JAM3: variants seen among roughly 807,000 people sequenced by gnomAD.
JAM3 encodes junctional adhesion molecule 3.
JAM3 carries 31 observed loss-of-function variants against 39.4 expected under a neutral mutation model. That is an observed-to-expected ratio of 0.79 (90% CI 0.59 to 1.06). The LOEUF (loss-of-function observed/expected upper bound fraction) is 1.06, where lower values mean the gene tolerates loss of function less well. Ranked by LOEUF, JAM3 falls within the 50% of genes least tolerant of loss-of-function variation. JAM3 has a pLI of 0.00. For synonymous variants in JAM3, 182 were observed against 148.7 expected (o/e 1.22, Z -1.63); for missense variants, 455 against 391.4 (o/e 1.16, Z -1.37).
rs1168482280 is a variant in JAM3 at position 134,076,775 on chromosome 11, G to A, written c.76+7616G>A. 1.7e-4 allele frequency among the ~76,000 whole-genome samples: 26 copies of A among 150,150 alleles called. 2 individuals carry two copies. Among genetic ancestry groups the A allele is most frequent in the Admixed American group, 1.7e-3 (26 of 15,088 alleles). On this transcript the variant is annotated intron_variant, in intron 1 of 8. Coordinates refer to ENST00000299106, the MANE Select transcript of JAM3 (RefSeq NM_032801.5). Reference sequence around the variant, plus strand: ...CCACACTGAACTCCTGGTCTCAGGTGGTCCTTCGACCTCAGCCTCCCAAAT... The same window carrying A: ...CCACACTGAACTCCTGGTCTCAGGTAGTCCTTCGACCTCAGCCTCCCAAAT...
At chr11:134,138,285 T>G (rs1022706556) in intron 1 of JAM3, among the ~76,000 whole-genome samples, 1 of 109,298 alleles carries the variant, frequency 9.1e-6, no homozygotes, top group South Asian at 2.4e-4. Flanking sequence ...GAAGAAATGT[T>G]TATGGCCAAT....
chr11:134,114,980 C>T (rs755003137), intron 1 of JAM3, among the ~76,000 whole-genome samples: 2 of 152,154 alleles, frequency 1.3e-5, no homozygotes, highest in Non-Finnish European at 2.9e-5. Flanking sequence ...TTTATTTCTC[C>T]TTGCAGTTCT....
At chr11:134,144,647 A>G in intron 4 of JAM3, 145 bp from the exon 5 acceptor site, 1 of 847,250 alleles carries the variant, frequency 1.2e-6, no homozygotes, top group South Asian at 1.4e-5. Context: ...GTGGCTTGTC[A>G]GTCTGCAGTT....
At chr11:134,139,622 A>T in intron 1 of JAM3, 1 of 556,086 alleles carries the variant, frequency 1.8e-6, no homozygotes, top group South Asian at 2.0e-5. Context: ...AAAAAGGAGA[A>T]GGAATTCTTA....
At chr11:134,130,690 C>A (rs1942753601) in intron 1 of JAM3, among the ~76,000 whole-genome samples, 1 of 152,222 alleles carries the variant, frequency 6.6e-6, no homozygotes, top group South Asian at 2.1e-4. Context: ...CCTTGCCCTA[C>A]CCTCTCCCTG....
At chr11:134,083,511 G>A (rs1161017646) in intron 1 of JAM3, among the ~76,000 whole-genome samples, 2 of 152,172 alleles carry the variant, frequency 1.3e-5, no homozygotes, top group African/African-American at 2.4e-5. Flanking sequence ...TTGAGGAGGA[G>A]TGTTTTTGTT....
At chr11:134,134,211 A>T (rs1406353793) in intron 1 of JAM3, among the ~76,000 whole-genome samples, 1 of 152,176 alleles carries the variant, frequency 6.6e-6, no homozygotes, top group Non-Finnish European at 1.5e-5. Flanking sequence ...TGACCTAAAA[A>T]ATGGAACAGA....
At chr11:134,081,487 A>G (rs1487901345) in intron 1 of JAM3, among the ~76,000 whole-genome samples, 1 of 152,228 alleles carries the variant, frequency 6.6e-6, no homozygotes, top group Non-Finnish European at 1.5e-5. Flanking sequence ...GGGCCAGCAT[A>G]GAGCTGAGGC....
intron 1 of JAM3, among the ~76,000 whole-genome samples, chr11:134,104,369 G>A (rs558173897): frequency 3.9e-5 from 6 of 152,128 alleles, no homozygotes; most frequent in Non-Finnish European, 7.3e-5. Flanking sequence ...TGTGTAGAGG[G>A]AAATTTATAG....
rs1321358465 is a variant in JAM3, at chr11:134,148,674, A to G, written c.840A>G (p.Glu280=). 2 of 1,614,072 alleles carry G rather than the reference A, an allele frequency of 1.2e-6. No homozygotes were observed. The highest frequency in any genetic ancestry group is 2.7e-5 in the African/African-American group (2 of 74,932). Residue 280 remains glutamate (E), a splice_region_variant and synonymous_variant, in exon 7 of 9, where the codon GAA becomes GAG. Transcript: ENST00000299106. The part of the protein sequence containing the change: ...GYFINNKQDG[E]SYKNPGKPDG... ...TCATCAACAATAAACAGGATGGAGA[A>G]AGGTGAGCCTGCCTTATGTGAAAAA...
In JAM3 at chr11:134,133,130, A is replaced by C. The variant is rs78516497; in HGVS notation, c.77-6721A>C. Among the ~76,000 whole-genome samples, 33 of 152,302 alleles carry C rather than the reference A, an allele frequency of 2.2e-4. No homozygotes were observed. The East Asian group carries it at 5.6e-3, about 26-fold the overall frequency. ...CTAGACTGAGAACCAGAAGTTCTGC[A>C]TGTTGGTTTTGTATCCTGCAGCCTT... On this transcript the variant is annotated intron_variant, in intron 1 of 8. Coordinates refer to ENST00000299106, the MANE Select transcript of JAM3 (RefSeq NM_032801.5).
rs1943200572 is a variant in JAM3, at chr11:134,150,787, G to A, written c.*1606G>A. The A allele has an allele frequency of 2.6e-5, 4 of 152,126 alleles. No homozygotes were observed. The highest frequency in any genetic ancestry group is 4.2e-4 in the South Asian group (2 of 4,818). The allele number at this position is 152,126 out of a possible 1,614,324, so 9.4% of individuals were successfully genotyped here. A position where few individuals can be genotyped will look rare whatever the true frequency, so the allele number is the denominator to read the frequency against. Reference sequence around the variant, plus strand: ...TTTGCCACAGAGAAAGCACCCAGACGCCACAGGCTCTGTCGCATTTCAAAA... The same window carrying A: ...TTTGCCACAGAGAAAGCACCCAGACACCACAGGCTCTGTCGCATTTCAAAA... On this transcript the variant is annotated 3_prime_UTR_variant, in exon 9 of 9. Coordinates refer to ENST00000299106, the MANE Select transcript of JAM3 (RefSeq NM_032801.5).
chr11:134,077,490 A>T (rs543179724), intron 1 of JAM3, among the ~76,000 whole-genome samples: 1 of 150,530 alleles, frequency 6.6e-6, no homozygotes, highest in South Asian at 2.1e-4. Flanking sequence ...CAGCCTCCCG[A>T]GTAGCTGGGG....
chr11:134,147,822 A>AACCAATACACTAC (rs1424508712), intron 6 of JAM3: 1 of 152,666 alleles, frequency 6.6e-6, no homozygotes, highest in Non-Finnish European at 1.5e-5. Flanking sequence ...CATCTTTGAG[A>AACCAATACACTAC]ACCAATACAC....
Position 134,115,998 on chromosome 11 carries a change from C to T in JAM3, c.77-23853C>T, listed in dbSNP as rs76262220. ...TATATAATATCATCATGACATGTTG[C>T]TGGTATTGCTACCCTGATCACTAGG... On this transcript the variant is annotated intron_variant, in intron 1 of 8. Coordinates refer to ENST00000299106, the MANE Select transcript of JAM3 (RefSeq NM_032801.5). 6.7e-3 allele frequency among the ~76,000 whole-genome samples: 1,023 copies of T among 152,268 alleles called. 13 individuals are homozygous for T. The highest frequency in any genetic ancestry group is 0.023 in the African/African-American group (968 of 41,528).
chr11:134,112,042 G>T lies in JAM3; in HGVS notation c.77-27809G>T, dbSNP rs1942322066. 2.0e-5 allele frequency among the ~76,000 whole-genome samples: 3 copies of T among 152,264 alleles called. No homozygotes were observed. The South Asian group carries it at 6.2e-4, about 32-fold the overall frequency. On this transcript the variant is annotated intron_variant, in intron 1 of 8. Transcript: ENST00000299106. ...TGAAAAAAGAAATACCTTCTACTAT[G>T]TGAAAACTGCCCATCTCATATGGCA...
At chr11:134,129,205 C>T (rs1942714720) in intron 1 of JAM3, among the ~76,000 whole-genome samples, 1 of 151,674 alleles carries the variant, frequency 6.6e-6, no homozygotes, top group Admixed American at 6.6e-5. Context: ...CTGCAAGCTC[C>T]ACCCAGGTTC....
At chr11:134,148,733 C>T (rs1565507855) in intron 7 of JAM3, 31 bp from the exon 8 acceptor site, 2 of 1,613,910 alleles carry the variant, frequency 1.2e-6, no homozygotes, top group Non-Finnish European at 1.7e-6. Context: ...TATAACAACC[C>T]TGTTGCTAAA....
At chr11:134,091,974 T>TTAG (rs1941867171) in intron 1 of JAM3, among the ~76,000 whole-genome samples, 1 of 152,142 alleles carries the variant, frequency 6.6e-6, no homozygotes, top group South Asian at 2.1e-4. Flanking sequence ...ATATATCTAC[T>TTAG]TCTAGTCATT....
Sources: gnomAD v4.1 joint callset for allele counts (sites outside exome capture counted in the v4.1 genomes callset) on GRCh38, gnomAD v4.1.1 for gene constraint, MANE v1.5 for transcripts, NCBI Gene and HGNC (gene_info 2026-07-23, HGNC 2026-07-21) for gene names.